The following TMEM38B variants were observed in gnomAD, a reference collection of about 807,000 sequenced individuals.
TMEM38B encodes the protein transmembrane protein 38B.
A neutral mutation model predicts 28.7 loss-of-function variants in TMEM38B; 24 were observed. The ratio of observed to expected loss-of-function variants is 0.84; its 90% CI spans 0.61 to 1.18. The LOEUF is 1.18. Ranked by LOEUF, TMEM38B falls within the 50% of genes most tolerant of loss-of-function variation. The pLI is 0.00. For missense variants in TMEM38B, 380 were observed against 350.9 expected (o/e 1.08, Z -0.66); for synonymous variants, 131 against 127.7 (o/e 1.03, Z -0.17).
intron 4 of TMEM38B, among the ~76,000 whole-genome samples, chr9:105,728,105 T>C (rs1836587883): frequency 6.6e-6 from 1 of 152,156 alleles, no homozygotes; most frequent in Admixed American, 6.6e-5. Flanking sequence ...AAATCATTAT[T>C]ATTATACTTT....
chr9:105,748,706 A>G (rs566182438), intron 5 of TMEM38B, among the ~76,000 whole-genome samples: 1 of 152,282 alleles, frequency 6.6e-6, no homozygotes, highest in South Asian at 2.1e-4. Context: ...TAGGCAAGCC[A>G]CTTAATGTCT....
intron 4 of TMEM38B, among the ~76,000 whole-genome samples, chr9:105,735,832 C>G (rs1027600321): frequency 3.3e-5 from 5 of 151,986 alleles, no homozygotes; most frequent in African/African-American, 1.2e-4. Flanking sequence ...AGTATCTCAA[C>G]CAAGACTTGG....
intron 3 of TMEM38B, 88 bp from the exon 4 acceptor site, chr9:105,722,446 T>C: frequency 9.6e-7 from 1 of 1,045,320 alleles, no homozygotes; most frequent in Non-Finnish European, 1.5e-6. Context: ...TTGGAATGTA[T>C]TATCAGGTGA....
At chr9:105,763,895 G>T (rs1441510978) in intron 5 of TMEM38B, among the ~76,000 whole-genome samples, 1 of 150,780 alleles carries the variant, frequency 6.6e-6, no homozygotes, top group Non-Finnish European at 1.5e-5. Flanking sequence ...GATCAAGTGG[G>T]CTTCATCCCT....
intron 2 of TMEM38B, among the ~76,000 whole-genome samples, chr9:105,707,833 T>G (rs1197182661): frequency 1.3e-5 from 2 of 152,202 alleles, no homozygotes; most frequent in East Asian, 3.8e-4. Flanking sequence ...CTCACAGATT[T>G]GTTTAACCAT....
At chr9:105,733,888 C>T (rs1264489753) in intron 4 of TMEM38B, among the ~76,000 whole-genome samples, 6 of 151,910 alleles carry the variant, frequency 3.9e-5, no homozygotes, top group Non-Finnish European at 8.8e-5. Flanking sequence ...TTGTCAATTT[C>T]GTTTAGATTT....
At chr9:105,721,758 G>T in intron 3 of TMEM38B, 37 bp downstream of exon 3, 2 of 1,501,554 alleles carry the variant, frequency 1.3e-6, no homozygotes, top group Non-Finnish European at 9.1e-7. Flanking sequence ...ATATTCTGTT[G>T]TTGGTGTATT....
intron 4 of TMEM38B, among the ~76,000 whole-genome samples, chr9:105,731,336 A>T (rs570643998): frequency 2.6e-5 from 4 of 151,920 alleles, no homozygotes; most frequent in Admixed American, 2.6e-4. Flanking sequence ...TTTAAGTTCT[A>T]GGGTACATGC....
chr9:105,759,053 C>G (rs1240799928), intron 5 of TMEM38B: 2 of 830,910 alleles, frequency 2.4e-6, no homozygotes, highest in Non-Finnish European at 4.3e-6. Context: ...CAGATGACCT[C>G]CCTCACTGGG....
intron 4 of TMEM38B, among the ~76,000 whole-genome samples, chr9:105,745,637 G>A (rs1837360416): frequency 6.6e-6 from 1 of 152,096 alleles, no homozygotes; most frequent in Non-Finnish European, 1.5e-5. Context: ...ATTGCTTTTG[G>A]TGTTTTAGAC....
At chr9:105,754,081 A>C (rs1837750013) in intron 5 of TMEM38B, among the ~76,000 whole-genome samples, 1 of 152,256 alleles carries the variant, frequency 6.6e-6, no homozygotes, top group Admixed American at 6.5e-5. Context: ...TGCATTGCAT[A>C]ATGGTAAAGG....
intron 4 of TMEM38B, among the ~76,000 whole-genome samples, chr9:105,734,078 T>G (rs1717377034): frequency 6.6e-6 from 1 of 152,162 alleles, no homozygotes; most frequent in South Asian, 2.1e-4. Context: ...AGTTATTTAT[T>G]GCTATAAACT....
intron 4 of TMEM38B, among the ~76,000 whole-genome samples, chr9:105,724,451 C>T (rs1397537088): frequency 6.6e-6 from 1 of 151,828 alleles, no homozygotes; most frequent in Non-Finnish European, 1.5e-5. Flanking sequence ...GGTGAAACCC[C>T]GTCTCTACTA....
intron 4 of TMEM38B, among the ~76,000 whole-genome samples, chr9:105,741,903 T>C (rs995701294): frequency 6.6e-6 from 1 of 152,174 alleles, no homozygotes; most frequent in Non-Finnish European, 1.5e-5. Flanking sequence ...CTTTTCCTAG[T>C]GTTGAAGGGA....
At chr9:105,759,809 G>C (rs1837968976) in intron 5 of TMEM38B, 1 of 1,607,662 alleles carries the variant, frequency 6.2e-7, no homozygotes, top group Middle Eastern at 1.7e-4. Flanking sequence ...GAGGAGTTGT[G>C]TAATGGGAAA....
At chr9:105,707,076 C>T (rs1835699590) in intron 2 of TMEM38B, among the ~76,000 whole-genome samples, 1 of 152,186 alleles carries the variant, frequency 6.6e-6, no homozygotes, top group South Asian at 2.1e-4. Flanking sequence ...CCATGCCCAG[C>T]CTGTCTTATG....
In TMEM38B at chr9:105,736,055, G is replaced by T. The variant is rs201840731; in HGVS notation, c.543-12018G>T. On this transcript the variant is annotated intron_variant, in intron 4 of 5. Transcript: ENST00000374692. Reference sequence around the variant, plus strand: ...TGACTAACTAAAACACATTTTTTTTGTTTTTTTTTTTTTTGGTAGAGATAG... The same window carrying T: ...TGACTAACTAAAACACATTTTTTTTTTTTTTTTTTTTTTTGGTAGAGATAG... Among the ~76,000 whole-genome samples, 686 of 135,696 alleles carry T rather than the reference G, an allele frequency of 5.1e-3. 3 individuals carry two copies. The highest frequency in any genetic ancestry group is 0.016 in the African/African-American group (587 of 37,856). 89.0% of individuals were successfully genotyped at this position (135,696 alleles called of 152,430 possible).
chr9:105,708,624 A>G (rs933789419), intron 2 of TMEM38B, among the ~76,000 whole-genome samples: 1 of 152,190 alleles, frequency 6.6e-6, no homozygotes, highest in Non-Finnish European at 1.5e-5. Flanking sequence ...TGCTCTAGTC[A>G]CATGAGCTTT....
At chr9:105,709,161 T>C (rs955508473) in intron 2 of TMEM38B, among the ~76,000 whole-genome samples, 4 of 152,186 alleles carry the variant, frequency 2.6e-5, no homozygotes, top group Non-Finnish European at 5.9e-5. Flanking sequence ...ATAATCTAAT[T>C]ATAGCACCCA....
Sources: gnomAD v4.1 joint callset for allele counts (sites outside exome capture counted in the v4.1 genomes callset) on GRCh38, gnomAD v4.1.1 for gene constraint, MANE v1.5 for transcripts, NCBI Gene and HGNC (gene_info 2026-07-23, HGNC 2026-07-21) for gene names.